Variants in TANGO6 observed in about 807,000 individuals in gnomAD.
TANGO6 encodes the protein transport and golgi organization 6 homolog.
In TANGO6, 90 loss-of-function variants were observed where a neutral mutation model predicts 114.2. The ratio of observed to expected loss-of-function variants is 0.79; its 90% confidence interval spans 0.66 to 0.94. The LOEUF (loss-of-function observed/expected upper bound fraction) is 0.94. Ranked by LOEUF, TANGO6 falls within the 40% of genes least tolerant of loss-of-function variation. The pLI, the probability that TANGO6 is intolerant of heterozygous loss-of-function variation, is 0.00. For missense variants in TANGO6, 1,274 were observed against 1,315.3 expected (o/e 0.97, Z 0.49); for synonymous variants, 477 against 509.8 (o/e 0.94, Z 0.87).
intron 12 of TANGO6, among the ~76,000 whole-genome samples, chr16:68,926,124 A>G (rs192005944): frequency 6.6e-6 from 1 of 152,036 alleles, no homozygotes; most frequent in African/African-American, 2.4e-5. Flanking sequence ...CTCATTTTAG[A>G]TGCTTTAAAA....
At position 69,044,374 on chromosome 16, in the gene TANGO6, G is replaced by A. The variant is rs147534662; in HGVS notation, c.3108+3953G>A. Among the ~76,000 whole-genome samples, 8 of 152,206 alleles carry A rather than the reference G, an allele frequency of 5.3e-5. No individual in the cohort carries two copies. In the East Asian group the frequency reaches 5.8e-4, roughly 11 times the overall value. ...ATTTTTGCCGGGTGCGGTGACTCAC[G>A]CCTGTAATCCCAGCAGTTTGGTGGG... On this transcript the variant is annotated intron_variant, in intron 17 of 17. Coordinates refer to ENST00000261778, the MANE Select transcript of TANGO6 (RefSeq NM_024562.2).
At chr16:68,941,981 G>A (rs1351602810) in intron 14 of TANGO6, among the ~76,000 whole-genome samples, 1 of 151,962 alleles carries the variant, frequency 6.6e-6, no homozygotes, top group Non-Finnish European at 1.5e-5. Flanking sequence ...AGAATTACAG[G>A]TTACTGTAAA....
intron 15 of TANGO6, among the ~76,000 whole-genome samples, chr16:69,014,292 A>G (rs1379386548): frequency 1.3e-5 from 2 of 152,166 alleles, no homozygotes; most frequent in Admixed American, 6.5e-5. Context: ...AGCAACTCTA[A>G]GGCAACCCTA....
At chr16:68,969,609 T>C (rs777110529) in intron 14 of TANGO6, among the ~76,000 whole-genome samples, 2 of 151,926 alleles carry the variant, frequency 1.3e-5, no homozygotes, top group African/African-American at 4.8e-5. Context: ...AACTGGGCTT[T>C]GCTTTGGGAA....
chr16:68,848,033 C>T (rs958543144), intron 1 of TANGO6, among the ~76,000 whole-genome samples: 1 of 148,420 alleles, frequency 6.7e-6, no homozygotes, highest in Non-Finnish European at 1.5e-5. Flanking sequence ...TTGCAAATTT[C>T]TTACACTTCT....
chr16:68,859,845 T>C, intron 1 of TANGO6, 39 bp from the exon 2 acceptor site: 1 of 1,514,970 alleles, frequency 6.6e-7, no homozygotes, highest in Non-Finnish European at 8.8e-7. Context: ...CAGCTTGTTT[T>C]CTATGTGTAT....
At chr16:69,052,607 T>C (rs1959969721) in intron 17 of TANGO6, among the ~76,000 whole-genome samples, 1 of 151,948 alleles carries the variant, frequency 6.6e-6, no homozygotes, top group Admixed American at 6.6e-5. Context: ...TGTATAAAAG[T>C]GGGCCCCCTC....
At chr16:69,041,236 C>A (rs1959769375) in intron 17 of TANGO6, among the ~76,000 whole-genome samples, 1 of 152,034 alleles carries the variant, frequency 6.6e-6, no homozygotes, top group South Asian at 2.1e-4. Flanking sequence ...CACCTGAGGT[C>A]AGGAGTTCGA....
At chr16:68,979,430 A>G (rs571167570) in intron 15 of TANGO6, among the ~76,000 whole-genome samples, 1 of 151,846 alleles carries the variant, frequency 6.6e-6, no homozygotes, top group South Asian at 2.1e-4. Context: ...GGGTTTCATC[A>G]TGTTGGCCAG....
chr16:68,964,201 T>G (rs7203449), intron 14 of TANGO6, among the ~76,000 whole-genome samples: 13,216 of 152,156 alleles, frequency 0.087, 665 homozygotes, highest in African/African-American at 0.13. Context: ...ATGAATATGC[T>G]AGTTACCCTG....
chr16:69,032,998 C>T (rs1244397329), intron 16 of TANGO6, among the ~76,000 whole-genome samples: 1 of 151,944 alleles, frequency 6.6e-6, no homozygotes, highest in Non-Finnish European at 1.5e-5. Context: ...CCAGCCTGGT[C>T]AACATGGTGA....
At chr16:69,004,069 A>G (rs1328316695) in intron 15 of TANGO6, among the ~76,000 whole-genome samples, 1 of 152,094 alleles carries the variant, frequency 6.6e-6, no homozygotes, top group Non-Finnish European at 1.5e-5. Context: ...ATACAGAATT[A>G]TATATGAATT....
At chr16:69,045,220 C>T (rs1273119952) in intron 17 of TANGO6, among the ~76,000 whole-genome samples, 7 of 149,952 alleles carry the variant, frequency 4.7e-5, no homozygotes, top group African/African-American at 1.2e-4. Context: ...TTTGGGAGGC[C>T]GAGGCGGGCG....
chr16:68,921,874 G>C (rs1421873044), intron 12 of TANGO6, among the ~76,000 whole-genome samples: 5 of 151,972 alleles, frequency 3.3e-5, no homozygotes. Context: ...TTAGTTAAGT[G>C]AACATAAGCA....
intron 10 of TANGO6, among the ~76,000 whole-genome samples, chr16:68,908,141 G>C (rs945726874): frequency 6.6e-6 from 1 of 152,116 alleles, no homozygotes; most frequent in Non-Finnish European, 1.5e-5. Context: ...TCATAAGCCA[G>C]TGACCTCCAG....
intron 7 of TANGO6, among the ~76,000 whole-genome samples, chr16:68,898,256 A>C (rs1280798786): frequency 6.6e-6 from 1 of 152,146 alleles, no homozygotes; most frequent in Non-Finnish European, 1.5e-5. Context: ...TGGAGATTAG[A>C]TCATGCACAG....
At chr16:69,064,070 C>T (rs1401022128) in intron 17 of TANGO6, among the ~76,000 whole-genome samples, 1 of 151,970 alleles carries the variant, frequency 6.6e-6, no homozygotes, top group Non-Finnish European at 1.5e-5. Context: ...CTCCTGTCCT[C>T]AAATGATCTG....
At chr16:68,948,093 A>G (rs1963435709) in intron 14 of TANGO6, 1 of 152,000 alleles carries the variant, frequency 6.6e-6, no homozygotes, top group African/African-American at 2.4e-5. Flanking sequence ...AAAGCCCACA[A>G]CACTTGAGTT....
chr16:68,907,822 T>A (rs931840340), intron 10 of TANGO6, among the ~76,000 whole-genome samples: 1 of 152,160 alleles, frequency 6.6e-6, no homozygotes, highest in African/African-American at 2.4e-5. Flanking sequence ...AGTTTAGAGA[T>A]GAACAAAGCA....
Sources: allele counts gnomAD v4.1 joint callset (sites outside exome capture counted in the v4.1 genomes callset), GRCh38; gene constraint gnomAD v4.1.1; transcripts MANE v1.5; gene names NCBI Gene and HGNC (gene_info 2026-07-23, HGNC 2026-07-21).